Variants in FOXK2 observed in about 807,000 individuals in gnomAD.
FOXK2 encodes forkhead box protein K2.
Under a neutral mutation model 53.3 loss-of-function variants are expected in FOXK2, and 24 were observed. The observed-to-expected ratio is 0.45, with a 90% CI of 0.33 to 0.63. The LOEUF (loss-of-function observed/expected upper bound fraction) is 0.63. FOXK2 is among the 30% of genes least tolerant of loss of function. The pLI, the probability that FOXK2 is intolerant of heterozygous loss-of-function variation, is 0.03. For synonymous variants in FOXK2, 505 were observed against 407.1 expected, an observed-to-expected ratio of 1.24 and a Z score of -2.89; for missense variants, 952 against 910.5, an observed-to-expected ratio of 1.05 and a Z score of -0.59.
chr17:82,582,865 A>G lies in FOXK2; in HGVS notation c.1034A>G (p.Gln345Arg). 1 of 1,613,526 alleles carries G rather than the reference A, an allele frequency of 6.2e-7. No homozygotes were observed. The highest frequency in any genetic ancestry group is 8.5e-7 in the Non-Finnish European group (1 of 1,179,916). Residue 345 changes from glutamine to arginine, a missense_variant, in exon 5 of 9, where the codon CAG (glutamine) becomes CGG (arginine). Gln to Arg is a conservative substitution (Grantham distance 43, BLOSUM62 1). Around this residue, in one of 5 missense-constraint regions of FOXK2, gnomAD observed 160 missense variants for 214.2 expected, o/e 0.75. Coordinates refer to ENST00000335255, the MANE Select transcript of FOXK2 (RefSeq NM_004514.4). ...DPASESKLIE[Q>R]AFRKRRPRGV... ...GCCTCTGAAAGCAAATTAATAGAAC[A>G]GGCTTTTAGGAAACGACGGCCTAGG...
intron 7 of FOXK2, among the ~76,000 whole-genome samples, chr17:82,586,702 G>C (rs1242865020): frequency 1.3e-4 from 20 of 152,090 alleles, no homozygotes; most frequent in Admixed American, 1.3e-3. Context: ...AGGAGTTGGA[G>C]ACCAGCCTGA....
chr17:82,536,176 C>T (rs1299630694), intron 1 of FOXK2, among the ~76,000 whole-genome samples: 1 of 152,138 alleles, frequency 6.6e-6, no homozygotes, highest in African/African-American at 2.4e-5. Context: ...CGGTGCCCGG[C>T]CTGTGTTTTT....
intron 6 of FOXK2, 61 bp downstream of exon 6, chr17:82,584,249 G>C: frequency 6.8e-7 from 1 of 1,467,456 alleles, no homozygotes; most frequent in Admixed American, 2.3e-5. Flanking sequence ...GGACGCCTGG[G>C]CTCCACAGAG....
At chr17:82,579,389 T>C (rs72490490) in intron 4 of FOXK2, among the ~76,000 whole-genome samples, 50,835 of 151,980 alleles carry the variant, frequency 0.33, 9,462 homozygotes, top group South Asian at 0.45. Context: ...ATTAGAATAT[T>C]TGAAATCTCA....
At chr17:82,580,462 A>G (rs111491884) in intron 4 of FOXK2, among the ~76,000 whole-genome samples, 3 of 52,530 alleles carry the variant, frequency 5.7e-5, no homozygotes, top group African/African-American at 8.0e-5. Context: ...AAGTAGCTCC[A>G]TCCACAGGGC....
At chr17:82,596,415 G>T (rs2045311406) in intron 8 of FOXK2, among the ~76,000 whole-genome samples, 1 of 152,198 alleles carries the variant, frequency 6.6e-6, no homozygotes, top group South Asian at 2.1e-4. Flanking sequence ...GGTGTAGGGG[G>T]AGCCTCAGAG....
intron 2 of FOXK2, among the ~76,000 whole-genome samples, chr17:82,565,649 A>T (rs1190851564): frequency 6.6e-6 from 1 of 152,130 alleles, no homozygotes; most frequent in Non-Finnish European, 1.5e-5. Flanking sequence ...AAAACAAAAA[A>T]CCCAGAAAAT....
chr17:82,556,512 G>A (rs2044726483), intron 1 of FOXK2, among the ~76,000 whole-genome samples: 1 of 151,548 alleles, frequency 6.6e-6, no homozygotes, highest in South Asian at 2.1e-4. Flanking sequence ...TCATCAACGT[G>A]GAGAGGCTCA....
chr17:82,521,177 G>GT (rs1395732040), intron 1 of FOXK2, among the ~76,000 whole-genome samples: 1 of 151,528 alleles, frequency 6.6e-6, no homozygotes, highest in Admixed American at 6.6e-5. Context: ...GAATTTTTTT[G>GT]TTTTTTGTTT....
intron 1 of FOXK2, among the ~76,000 whole-genome samples, chr17:82,562,092 T>C (rs1044675154): frequency 2.6e-5 from 4 of 152,254 alleles, no homozygotes; most frequent in African/African-American, 9.6e-5. Flanking sequence ...TCTATGGCTA[T>C]TTTTAAATTT....
At chr17:82,561,185 G>C (rs995847820) in intron 1 of FOXK2, among the ~76,000 whole-genome samples, 3 of 152,178 alleles carry the variant, frequency 2.0e-5, no homozygotes, top group African/African-American at 7.2e-5. Context: ...GATGGCACTG[G>C]TGGATGGACT....
chr17:82,534,866 AATT>A (rs1181693530), intron 1 of FOXK2, among the ~76,000 whole-genome samples: 3 of 152,156 alleles, frequency 2.0e-5, no homozygotes, highest in African/African-American at 7.2e-5. Context: ...TCTACCTGTT[AATT>A]ATTGAGTGCT....
At chr17:82,577,405 G>A (rs1029168127) in intron 4 of FOXK2, 5 of 450,672 alleles carry the variant, frequency 1.1e-5, no homozygotes, top group South Asian at 2.2e-5. Flanking sequence ...CTGCAGCCCC[G>A]AGCAGGCTCC....
intron 4 of FOXK2, among the ~76,000 whole-genome samples, chr17:82,572,971 G>C (rs974186083): frequency 1.4e-4 from 21 of 152,026 alleles, no homozygotes; most frequent in Admixed American, 1.4e-3. Context: ...CAGGTGGATC[G>C]CGTGACTCTA....
intron 1 of FOXK2, among the ~76,000 whole-genome samples, chr17:82,558,762 C>CT (rs376587861): frequency 0.19 from 28,908 of 148,878 alleles, 3,056 homozygotes; most frequent in Non-Finnish European, 0.25. Flanking sequence ...ATCTTTACAT[C>CT]TTTTTTTTTT....
intron 2 of FOXK2, among the ~76,000 whole-genome samples, chr17:82,563,750 C>G (rs1180067061): frequency 5.3e-5 from 5 of 94,616 alleles, no homozygotes; most frequent in African/African-American, 2.2e-4. Flanking sequence ...TTACTCATTC[C>G]CTTTTTTTTT....
At chr17:82,556,385 AG>A (rs928101106) in intron 1 of FOXK2, among the ~76,000 whole-genome samples, 79 of 152,188 alleles carry the variant, frequency 5.2e-4, no homozygotes, top group African/African-American at 1.8e-3. Context: ...CGAAGGTTGC[AG>A]TGAGCCAAGA....
intron 7 of FOXK2, among the ~76,000 whole-genome samples, chr17:82,586,820 G>T (rs1365701877): frequency 6.6e-6 from 1 of 152,114 alleles, no homozygotes. Flanking sequence ...AGAATCACTT[G>T]AACCCGGAAG....
chr17:82,531,766 A>G (rs1328804892), intron 1 of FOXK2, among the ~76,000 whole-genome samples: 1 of 152,236 alleles, frequency 6.6e-6, no homozygotes, highest in African/African-American at 2.4e-5. Context: ...GTCAGTGAGT[A>G]AATGGTGAGT....
Sources: gnomAD v4.1 joint callset for allele counts (sites outside exome capture counted in the v4.1 genomes callset) on GRCh38, gnomAD v4.1.1 for gene constraint, gnomAD v4.1.1 regional missense constraint, MANE v1.5 for transcripts, NCBI Gene and HGNC (gene_info 2026-07-23, HGNC 2026-07-21) for gene names.